The following ACYP2 variants were observed in gnomAD, a reference collection of about 807,000 sequenced individuals.
ACYP2 encodes the protein acylphosphatase-2.
Under a neutral mutation model 11.2 loss-of-function variants are expected in ACYP2, and 12 were observed. The ratio of observed to expected loss-of-function variants is 1.08; its 90% CI spans 0.69 to 1.74. The LOEUF (loss-of-function observed/expected upper bound fraction) is 1.74. Ranked by LOEUF, ACYP2 falls within the 40% of genes most tolerant of loss-of-function variation. ACYP2 has a pLI of 0.00. For missense variants in ACYP2, 134 were observed against 101.9 expected (o/e 1.31, Z -1.35); for synonymous variants, 43 against 32.2 (o/e 1.33, Z -1.13).
intron 6 of ACYP2, among the ~76,000 whole-genome samples, chr2:54,196,121 T>C (rs1037844446): frequency 2.0e-5 from 3 of 152,088 alleles, no homozygotes; most frequent in African/African-American, 4.8e-5. Flanking sequence ...TAATTAAAAT[T>C]GGATTTTATT....
intron 4 of ACYP2, among the ~76,000 whole-genome samples, chr2:54,117,478 G>A (rs2103732783): frequency 6.6e-6 from 1 of 152,008 alleles, no homozygotes; most frequent in Admixed American, 6.6e-5. Flanking sequence ...AAATTTTTTT[G>A]TAGAGAAAGG....
intron 4 of ACYP2, among the ~76,000 whole-genome samples, chr2:54,122,307 A>C (rs865899440): frequency 1.3e-5 from 2 of 152,234 alleles, no homozygotes; most frequent in African/African-American, 4.8e-5. Flanking sequence ...CTTTGCAAAC[A>C]TTCCTCTCAG....
intron 6 of ACYP2, among the ~76,000 whole-genome samples, chr2:54,163,084 T>C (rs536706506): frequency 6.6e-6 from 1 of 152,296 alleles, no homozygotes; most frequent in East Asian, 1.9e-4. Context: ...AGGAATAATT[T>C]TCATTCAGTA....
At chr2:54,027,169 G>C (rs545952196) in intron 2 of ACYP2, among the ~76,000 whole-genome samples, 1 of 152,286 alleles carries the variant, frequency 6.6e-6, no homozygotes, top group South Asian at 2.1e-4. Flanking sequence ...TCCAGAAATA[G>C]GGTAGTTTGA....
chr2:54,029,800 TG>T, intron 2 of ACYP2: 3 of 566,628 alleles, frequency 5.3e-6, no homozygotes, highest in Non-Finnish European at 1.0e-5. Context: ...TGGTGACACT[TG>T]GGGGGCATTC....
intron 2 of ACYP2, among the ~76,000 whole-genome samples, chr2:53,995,449 A>G (rs1439069873): frequency 6.6e-6 from 1 of 151,036 alleles, no homozygotes; most frequent in Admixed American, 6.6e-5. Flanking sequence ...TCTAGACACA[A>G]TTAATTCAAT....
At chr2:54,222,315 C>T (rs528486241) in intron 6 of ACYP2, among the ~76,000 whole-genome samples, 2 of 151,964 alleles carry the variant, frequency 1.3e-5, no homozygotes, top group East Asian at 1.9e-4. Flanking sequence ...TTTGGGAGGC[C>T]GAGGCAAGTG....
At chr2:54,182,406 A>G (rs1052800305) in intron 6 of ACYP2, among the ~76,000 whole-genome samples, 2 of 152,062 alleles carry the variant, frequency 1.3e-5, no homozygotes, top group African/African-American at 4.8e-5. Flanking sequence ...CGGTTGCACA[A>G]TCATGGTTCA....
chr2:54,276,139 T>A (rs1038500092), intron 6 of ACYP2, among the ~76,000 whole-genome samples: 3 of 152,148 alleles, frequency 2.0e-5, no homozygotes, highest in African/African-American at 7.2e-5. Flanking sequence ...CTCTAACCTA[T>A]CCTTTACCTT....
intron 4 of ACYP2, among the ~76,000 whole-genome samples, chr2:54,130,784 G>C (rs1046751906): frequency 6.6e-6 from 1 of 152,134 alleles, no homozygotes; most frequent in African/African-American, 2.4e-5. Context: ...ATCCAGATAT[G>C]CCCTGATCTC....
chr2:54,058,976 G>A (rs967761023), intron 4 of ACYP2, among the ~76,000 whole-genome samples: 2 of 152,074 alleles, frequency 1.3e-5, no homozygotes, highest in South Asian at 2.1e-4. Context: ...CTCTGGTCAC[G>A]GAGGGGTTTG....
At position 54,135,514 on chromosome 2, in the gene ACYP2, G is replaced by C. The variant is rs1211170352; in HGVS notation, c.294+45G>C. 6 of 1,568,398 alleles carry C rather than the reference G, an allele frequency of 3.8e-6. No individual in the cohort carries two copies. The Admixed American group carries it at 1.0e-4, about 27-fold the overall frequency. The stretch of plus-strand genomic sequence containing the variant: ...ATTATTTTGCTATTTTTTTTCCACT[G>C]TTATTCCCAATTACAGAGATAGGGC... On this transcript the variant is annotated intron_variant, in intron 5 of 6. Coordinates refer to ENST00000607452, the MANE Select transcript of ACYP2 (RefSeq NM_001320586.2).
At chr2:54,286,084 C>G (rs764349569) in intron 6 of ACYP2, among the ~76,000 whole-genome samples, 4 of 150,128 alleles carry the variant, frequency 2.7e-5, no homozygotes, top group Non-Finnish European at 4.4e-5. Flanking sequence ...ATACACCTAA[C>G]CTACTGAACA....
At chr2:54,069,269 T>C (rs1173249279) in intron 4 of ACYP2, among the ~76,000 whole-genome samples, 1 of 151,964 alleles carries the variant, frequency 6.6e-6, no homozygotes, top group East Asian at 1.9e-4. Flanking sequence ...CAGAAGGTAA[T>C]GTGATTCAGT....
chr2:54,048,359 A>G (rs763812204), intron 2 of ACYP2, among the ~76,000 whole-genome samples: 39 of 152,268 alleles, frequency 2.6e-4, no homozygotes, highest in Admixed American at 1.1e-3. Flanking sequence ...AAGGGAGGTC[A>G]AGGGTGCAGT....
At chr2:54,025,654 G>A (rs756962792) in intron 2 of ACYP2, among the ~76,000 whole-genome samples, 5 of 152,182 alleles carry the variant, frequency 3.3e-5, no homozygotes, top group Non-Finnish European at 5.9e-5. Flanking sequence ...AACTCTTCTA[G>A]ACATTGTCTT....
intron 6 of ACYP2, among the ~76,000 whole-genome samples, chr2:54,146,439 ATTT>A (rs11360655): frequency 1.4e-5 from 2 of 140,658 alleles, no homozygotes; most frequent in Admixed American, 1.4e-4. Flanking sequence ...CTGATCCTCT[ATTT>A]TTTTTTTTTT....
At chr2:54,078,087 C>T (rs912064155) in intron 4 of ACYP2, among the ~76,000 whole-genome samples, 43 of 151,780 alleles carry the variant, frequency 2.8e-4, no homozygotes, top group African/African-American at 1.0e-3. Context: ...GCTGGGATTA[C>T]AGGTGCTCAC....
At chr2:54,177,415 C>A (rs1405758635) in intron 6 of ACYP2, among the ~76,000 whole-genome samples, 2 of 152,110 alleles carry the variant, frequency 1.3e-5, no homozygotes, top group Non-Finnish European at 2.9e-5. Flanking sequence ...CCCTTTCATG[C>A]CTAGGAATGG....
Sources: allele counts gnomAD v4.1 joint callset (sites outside exome capture counted in the v4.1 genomes callset), GRCh38; gene constraint gnomAD v4.1.1; transcripts MANE v1.5; gene names NCBI Gene and HGNC (gene_info 2026-07-23, HGNC 2026-07-21).